Variants in LPAR1 observed in about 807,000 individuals in gnomAD.
The protein encoded by LPAR1 is lysophosphatidic acid receptor 1, also known as LPA receptor 1.
LPAR1 carries 5 observed loss-of-function variants against 23.8 expected under a neutral mutation model. The observed-to-expected ratio is 0.21, with a 90% CI of 0.11 to 0.44. The LOEUF is 0.44. Among genes scored for constraint, LPAR1 ranks in the 20% least tolerant of loss-of-function variants. LPAR1 has a pLI of 0.99. For missense variants in LPAR1, 311 were observed against 482.8 expected (o/e 0.64, Z 3.33); for synonymous variants, 160 against 164.7 (o/e 0.97, Z 0.22).
chr9:110,897,309 G>A (rs2086753409), intron 5 of LPAR1, among the ~76,000 whole-genome samples: 1 of 152,116 alleles, frequency 6.6e-6, no homozygotes, highest in Non-Finnish European at 1.5e-5. Flanking sequence ...GAGTTTCTCT[G>A]CACAAGCTCT....
chr9:110,969,529 TG>T (rs2096341036), intron 4 of LPAR1, among the ~76,000 whole-genome samples: 1 of 151,958 alleles, frequency 6.6e-6, no homozygotes, highest in African/African-American at 2.4e-5. Flanking sequence ...CTGGACAACA[TG>T]GTGAAACCCC....
chr9:110,912,484 A>AT (rs2092582051), intron 5 of LPAR1, among the ~76,000 whole-genome samples: 1 of 152,140 alleles, frequency 6.6e-6, no homozygotes, highest in Admixed American at 6.5e-5. Flanking sequence ...GAGTTTTCTC[A>AT]TTTTTTTCTT....
chr9:110,971,486 A>G (rs551140727), intron 4 of LPAR1, among the ~76,000 whole-genome samples: 1 of 152,176 alleles, frequency 6.6e-6, no homozygotes, highest in Non-Finnish European at 1.5e-5. Context: ...GCCTGATTAA[A>G]TCAGGCTGTA....
chr9:110,957,881 A>C (rs2095816875), intron 4 of LPAR1, among the ~76,000 whole-genome samples: 1 of 152,234 alleles, frequency 6.6e-6, no homozygotes, highest in South Asian at 2.1e-4. Context: ...AATTCAGTAA[A>C]GTTGCAGGAT....
chr9:110,950,661 A>G (rs570501863), intron 4 of LPAR1, among the ~76,000 whole-genome samples: 1 of 152,246 alleles, frequency 6.6e-6, no homozygotes, highest in Non-Finnish European at 1.5e-5. Context: ...AATTCTAGTT[A>G]TTATTTCAAG....
intron 5 of LPAR1, among the ~76,000 whole-genome samples, chr9:110,906,325 A>C (rs532243366): frequency 4.6e-5 from 7 of 152,122 alleles, no homozygotes; most frequent in African/African-American, 1.7e-4. Context: ...AAAGGAAAAA[A>C]TCCTACTTCT....
chr9:111,013,293 G>A (rs563685079), intron 2 of LPAR1, among the ~76,000 whole-genome samples: 24 of 152,238 alleles, frequency 1.6e-4, no homozygotes, highest in Middle Eastern at 3.4e-3. Flanking sequence ...ATCTGAAAAT[G>A]TCCAGGACCA....
intron 5 of LPAR1, among the ~76,000 whole-genome samples, chr9:110,897,091 G>C (rs1049479862): frequency 6.6e-6 from 1 of 152,042 alleles, no homozygotes; most frequent in African/African-American, 2.4e-5. Flanking sequence ...TCTTTAATCA[G>C]ACAGAGAATT....
intron 5 of LPAR1, among the ~76,000 whole-genome samples, chr9:110,898,694 T>C (rs2087421722): frequency 6.6e-6 from 1 of 152,230 alleles, no homozygotes; most frequent in South Asian, 2.1e-4. Flanking sequence ...CCAACTTCTC[T>C]AGGCCTCAAA....
chr9:110,892,624 A>C (rs2084608854), intron 5 of LPAR1, among the ~76,000 whole-genome samples: 1 of 150,210 alleles, frequency 6.7e-6, no homozygotes, highest in African/African-American at 2.5e-5. Flanking sequence ...AGATCATGCC[A>C]CTGCACTCCA....
intron 2 of LPAR1, among the ~76,000 whole-genome samples, chr9:111,013,785 C>T (rs1451707572): frequency 6.6e-6 from 1 of 151,996 alleles, no homozygotes; most frequent in Non-Finnish European, 1.5e-5. Context: ...TAAATTTCCC[C>T]AACCTTCATT....
chr9:111,037,727 C>G (rs2097919425), intron 1 of LPAR1: 1 of 152,152 alleles, frequency 6.6e-6, no homozygotes, highest in Non-Finnish European at 1.5e-5. Flanking sequence ...TCCAGCGGGA[C>G]GAGGTTTTGG....
At chr9:110,952,664 C>G (rs1444812371) in intron 4 of LPAR1, among the ~76,000 whole-genome samples, 1 of 152,158 alleles carries the variant, frequency 6.6e-6, no homozygotes, top group Non-Finnish European at 1.5e-5. Context: ...AGCATGTGCT[C>G]TCCAACCACC....
chr9:110,913,166 G>A (rs1183392383), intron 5 of LPAR1, among the ~76,000 whole-genome samples: 1 of 152,160 alleles, frequency 6.6e-6, no homozygotes, highest in Non-Finnish European at 1.5e-5. Flanking sequence ...AAAACCATCT[G>A]GGATATAATA....
chr9:110,957,802 T>C (rs1264230050), intron 4 of LPAR1, among the ~76,000 whole-genome samples: 2 of 152,150 alleles, frequency 1.3e-5, no homozygotes, highest in Non-Finnish European at 2.9e-5. Context: ...ATTGCCCCCC[T>C]TTGCAGATGA....
At chr9:111,023,226 T>C (rs2097599643) in intron 2 of LPAR1, among the ~76,000 whole-genome samples, 2 of 152,154 alleles carry the variant, frequency 1.3e-5, no homozygotes, top group African/African-American at 4.8e-5. Context: ...GCCTACTAAG[T>C]ATCACAAAAA....
chr9:110,894,209 C>A (rs1047557923), intron 5 of LPAR1, among the ~76,000 whole-genome samples: 3 of 152,172 alleles, frequency 2.0e-5, no homozygotes, highest in Non-Finnish European at 2.9e-5. Context: ...TTATTTTAAT[C>A]TCCGAGGCTG....
intron 2 of LPAR1, among the ~76,000 whole-genome samples, chr9:111,007,461 A>G (rs1017973433): frequency 6.6e-6 from 1 of 152,218 alleles, no homozygotes; most frequent in African/African-American, 2.4e-5. Flanking sequence ...CCCAATAGAA[A>G]AATGGTTGAT....
At chr9:110,958,474 T>A (rs2095836219) in intron 4 of LPAR1, among the ~76,000 whole-genome samples, 1 of 152,132 alleles carries the variant, frequency 6.6e-6, no homozygotes, top group South Asian at 2.1e-4. Flanking sequence ...GAACCTACAC[T>A]GAGGAAAGAA....
Sources: allele counts gnomAD v4.1 joint callset (sites outside exome capture counted in the v4.1 genomes callset), GRCh38; gene constraint gnomAD v4.1.1; transcripts MANE v1.5; gene names NCBI Gene and HGNC (gene_info 2026-07-23, HGNC 2026-07-21).